The following SDK1 variants were observed in gnomAD, a reference collection of about 807,000 sequenced individuals.
SDK1 encodes the protein sidekick cell adhesion molecule 1, also known as protein sidekick-1.
In SDK1, 157 loss-of-function variants were observed where a neutral mutation model predicts 245.5. The ratio of observed to expected loss-of-function variants is 0.64; its 90% CI spans 0.56 to 0.73. SDK1 has a LOEUF of 0.73. SDK1 is among the 30% of genes least tolerant of loss of function. SDK1 has a pLI of 0.00. For synonymous variants in SDK1, 1,647 were observed against 1,278.5 expected, an observed-to-expected ratio of 1.29 and a Z score of -6.15; for missense variants, 3,583 against 3,002.3, an observed-to-expected ratio of 1.19 and a Z score of -4.52.
chr7:3,325,561 G>A (rs1182544455), intron 1 of SDK1, among the ~76,000 whole-genome samples: 1 of 152,048 alleles, frequency 6.6e-6, no homozygotes, highest in Admixed American at 6.6e-5. Flanking sequence ...GGGCCAAAAT[G>A]ATGATTAATT....
chr7:3,593,204 C>T (rs1303945140), intron 1 of SDK1, among the ~76,000 whole-genome samples: 2 of 152,208 alleles, frequency 1.3e-5, no homozygotes, highest in Non-Finnish European at 2.9e-5. Flanking sequence ...ATTTATGCAG[C>T]AGCCCTTTTC....
At chr7:4,125,020 A>T (rs1222305231) in intron 25 of SDK1, among the ~76,000 whole-genome samples, 3 of 133,440 alleles carry the variant, frequency 2.2e-5, no homozygotes, top group African/African-American at 8.8e-5. Context: ...ATGGATGGGT[A>T]AATGGATGGA....
chr7:3,463,887 A>G (rs1357190488), intron 1 of SDK1, among the ~76,000 whole-genome samples: 1 of 152,212 alleles, frequency 6.6e-6, no homozygotes, highest in African/African-American at 2.4e-5. Flanking sequence ...CATTCCAGGC[A>G]TAAGGGCCCC....
At chr7:3,692,147 T>C (rs190065915) in intron 4 of SDK1, among the ~76,000 whole-genome samples, 1 of 152,334 alleles carries the variant, frequency 6.6e-6, no homozygotes, top group Admixed American at 6.5e-5. Flanking sequence ...AATTTTATTG[T>C]AATTATGATT....
intron 1 of SDK1, among the ~76,000 whole-genome samples, chr7:3,486,163 T>C (rs890155219): frequency 6.6e-6 from 1 of 152,102 alleles, no homozygotes; most frequent in African/African-American, 2.4e-5. Flanking sequence ...TTTTTTCTTA[T>C]GAAAATTTTA....
chr7:3,746,562 A>G (rs1230707299), intron 4 of SDK1, among the ~76,000 whole-genome samples: 2 of 152,352 alleles, frequency 1.3e-5, no homozygotes, highest in East Asian at 3.9e-4. Context: ...AAGAGTATGT[A>G]ATGTTCTAAA....
chr7:3,510,234 G>C (rs1782536698), intron 1 of SDK1, among the ~76,000 whole-genome samples: 1 of 152,200 alleles, frequency 6.6e-6, no homozygotes, highest in East Asian at 1.9e-4. Flanking sequence ...CAGTGCACAA[G>C]GTGGTGAGGA....
intron 1 of SDK1, among the ~76,000 whole-genome samples, chr7:3,463,479 C>G (rs2128595678): frequency 6.6e-6 from 1 of 152,178 alleles, no homozygotes; most frequent in South Asian, 2.1e-4. Context: ...GCCTTGCTTC[C>G]TCACCTGTTA....
intron 4 of SDK1, among the ~76,000 whole-genome samples, chr7:3,713,174 A>G (rs767174707): frequency 6.6e-6 from 1 of 152,192 alleles, no homozygotes; most frequent in Admixed American, 6.5e-5. Context: ...ACTTCCTTCA[A>G]AGCTGAGTCC....
intron 13 of SDK1, among the ~76,000 whole-genome samples, chr7:3,985,678 C>T: frequency 6.6e-6 from 1 of 152,082 alleles, no homozygotes; most frequent in East Asian, 1.9e-4. Context: ...AAACTTAATT[C>T]ACAATTAAAG....
At chr7:3,302,082 A>G (rs1779283613) in intron 1 of SDK1, 198 bp downstream of exon 1, 1 of 270,202 alleles carries the variant, frequency 3.7e-6, no homozygotes, top group Non-Finnish European at 6.1e-6. Flanking sequence ...TAGAGCCTGC[A>G]CCCCGTCTGC....
chr7:4,265,626 G>A lies in SDK1; in HGVS notation c.*242G>A. The A allele has an allele frequency of 7.6e-7, 1 of 1,321,672 alleles. No homozygotes were observed. The highest frequency in any genetic ancestry group is 9.6e-7 in the Non-Finnish European group (1 of 1,043,904). 81.9% of individuals were successfully genotyped at this position (1,321,672 alleles called of 1,614,324 possible). On this transcript the variant is annotated 3_prime_UTR_variant, in exon 45 of 45. Coordinates refer to ENST00000404826, the MANE Select transcript of SDK1 (RefSeq NM_152744.4). ...TCTTTTTCTTTTCTTTTTAAGAGAA[G>A]GTGTATTTCACTGGTGCAATGGCTT...
At chr7:4,029,629 C>T (rs1028153218) in intron 17 of SDK1, among the ~76,000 whole-genome samples, 3 of 151,974 alleles carry the variant, frequency 2.0e-5, no homozygotes, top group Non-Finnish European at 4.4e-5. Context: ...CTCACATCAC[C>T]CAAGCAGGGT....
At chr7:3,814,451 T>C (rs781058047) in intron 4 of SDK1, among the ~76,000 whole-genome samples, 2 of 151,542 alleles carry the variant, frequency 1.3e-5, no homozygotes, top group African/African-American at 2.4e-5. Context: ...CTGAGGGCTC[T>C]GTTCTGTTCC....
intron 9 of SDK1, among the ~76,000 whole-genome samples, chr7:3,966,291 C>A (rs17134098): frequency 6.6e-6 from 1 of 151,936 alleles, no homozygotes; most frequent in Non-Finnish European, 1.5e-5. Flanking sequence ...GCAGAGGCGG[C>A]GGCTGTGCCC....
intron 1 of SDK1, among the ~76,000 whole-genome samples, chr7:3,400,941 C>T (rs1025948528): frequency 6.6e-6 from 1 of 151,258 alleles, no homozygotes; most frequent in African/African-American, 2.4e-5. Flanking sequence ...CCTCAGCTGG[C>T]CGAACTCCAG....
intron 22 of SDK1, among the ~76,000 whole-genome samples, chr7:4,087,531 C>CT (rs1781504580): frequency 6.6e-6 from 1 of 152,094 alleles, no homozygotes; most frequent in African/African-American, 2.4e-5. Context: ...TTTTCCCGGC[C>CT]ACTCTTGTGG....
At chr7:3,608,594 G>C (rs1350119120) in intron 1 of SDK1, among the ~76,000 whole-genome samples, 1 of 152,170 alleles carries the variant, frequency 6.6e-6, no homozygotes, top group Non-Finnish European at 1.5e-5. Flanking sequence ...GGAGGTGTCT[G>C]ATGAGATAGG....
intron 1 of SDK1, among the ~76,000 whole-genome samples, chr7:3,579,016 T>C (rs1453655687): frequency 6.6e-6 from 1 of 151,922 alleles, no homozygotes; most frequent in Non-Finnish European, 1.5e-5. Context: ...GTCCTTGAAA[T>C]CTTCACAATT....
Sources: allele counts gnomAD v4.1 joint callset (sites outside exome capture counted in the v4.1 genomes callset), GRCh38; gene constraint gnomAD v4.1.1; transcripts MANE v1.5; gene names NCBI Gene and HGNC (gene_info 2026-07-23, HGNC 2026-07-21).